Variants in XYLT1 observed in about 807,000 individuals in gnomAD.
The protein encoded by XYLT1 is xylosyltransferase 1.
XYLT1 carries 36 observed loss-of-function variants against 91.3 expected under a neutral mutation model. That is an observed-to-expected ratio of 0.39 (90% CI 0.30 to 0.52). The LOEUF (loss-of-function observed/expected upper bound fraction) is 0.52. Among genes scored for constraint, XYLT1 ranks in the 20% least tolerant of loss-of-function variants. The pLI, the probability that XYLT1 is intolerant of heterozygous loss-of-function variation, is 0.68. For missense variants in XYLT1, 1,242 were observed against 1,284.5 expected, an observed-to-expected ratio of 0.97 and a Z score of 0.51; for synonymous variants, 588 against 532.0, an observed-to-expected ratio of 1.11 and a Z score of -1.45.
At position 17,316,984 on chromosome 16, in the gene XYLT1, G is replaced by A. The variant is rs542162670; in HGVS notation, c.402+41028C>T. Reference sequence around the variant, plus strand: ...ACTACAGGCGCCCGCCACCTCGCCCGGCTAATTTTTTGTATTTTTAGTAGA... The same window carrying A: ...ACTACAGGCGCCCGCCACCTCGCCCAGCTAATTTTTTGTATTTTTAGTAGA... On this transcript the variant is annotated intron_variant, in intron 2 of 11. Coordinates refer to ENST00000261381, the MANE Select transcript of XYLT1 (RefSeq NM_022166.4). Among the ~76,000 whole-genome samples the A allele has an allele frequency of 8.1e-4, 123 of 151,526 alleles. 3 individuals carry two copies. The highest frequency in any genetic ancestry group is 3.0e-3 in the Admixed American group (46 of 15,244).
chr16:17,150,117 G>C (rs762530501), intron 6 of XYLT1, among the ~76,000 whole-genome samples: 11 of 152,310 alleles, frequency 7.2e-5, no homozygotes, highest in Admixed American at 1.3e-4. Flanking sequence ...CCATGATTGT[G>C]GCATGAAGGT....
chr16:17,432,830 G>A lies in XYLT1; in HGVS notation c.363+37604C>T, dbSNP rs886830612. ...TAGAGGAGGCTAAAGCAAGTCTTCC[G>A]ACCCAAGCAGATACGCTGGAGATGG... is the stretch of plus-strand genomic sequence containing the variant. On this transcript the variant is annotated intron_variant, in intron 1 of 11. Coordinates refer to ENST00000261381, the MANE Select transcript of XYLT1 (RefSeq NM_022166.4). Among the ~76,000 whole-genome samples, 5 of 151,924 alleles carry A rather than the reference G, an allele frequency of 3.3e-5. No homozygotes were observed. The South Asian group carries it at 8.3e-4, about 25-fold the overall frequency.
chr16:17,441,739 C>T (rs2036534858), intron 1 of XYLT1, among the ~76,000 whole-genome samples: 1 of 152,166 alleles, frequency 6.6e-6, no homozygotes, highest in Admixed American at 6.5e-5. Context: ...AAATCCTCAG[C>T]AACACTAAGT....
intron 3 of XYLT1, among the ~76,000 whole-genome samples, chr16:17,229,959 T>C (rs555504667): frequency 1.3e-5 from 2 of 152,196 alleles, no homozygotes; most frequent in Admixed American, 6.5e-5. Flanking sequence ...TGTGAAGACA[T>C]GCAGGAAGGT....
At chr16:17,128,971 G>T (rs1250044023) in intron 9 of XYLT1, among the ~76,000 whole-genome samples, 1 of 146,368 alleles carries the variant, frequency 6.8e-6, no homozygotes, top group Non-Finnish European at 1.5e-5. Flanking sequence ...GGAGTTTTAA[G>T]TCTTTATGTC....
intron 5 of XYLT1, among the ~76,000 whole-genome samples, chr16:17,167,122 G>A (rs2031705415): frequency 6.6e-6 from 1 of 152,230 alleles, no homozygotes; most frequent in Non-Finnish European, 1.5e-5. Context: ...GTGGAGGGGA[G>A]ATGCAGACCT....
chr16:17,147,975 G>A (rs1321342081), intron 6 of XYLT1, among the ~76,000 whole-genome samples: 5 of 152,188 alleles, frequency 3.3e-5, no homozygotes, highest in African/African-American at 1.2e-4. Flanking sequence ...TTCCCATTGA[G>A]TAGGTTACCT....
chr16:17,342,054 A>G (rs1376768219), intron 2 of XYLT1, among the ~76,000 whole-genome samples: 1 of 152,112 alleles, frequency 6.6e-6, no homozygotes, highest in Admixed American at 6.5e-5. Flanking sequence ...CTCTGTTTAA[A>G]ATCCTCTGAA....
intron 1 of XYLT1, among the ~76,000 whole-genome samples, chr16:17,442,615 C>G (rs763700942): frequency 3.3e-5 from 5 of 152,150 alleles, no homozygotes; most frequent in Non-Finnish European, 7.3e-5. Flanking sequence ...GGTTCCACAG[C>G]TCTGGATTCT....
intron 7 of XYLT1, 117 bp from the exon 8 acceptor site, chr16:17,138,648 A>T: frequency 1.6e-6 from 2 of 1,250,258 alleles, no homozygotes; most frequent in Non-Finnish European, 2.2e-6. Flanking sequence ...GTTTAAAAGA[A>T]TGTGGCATCT....
chr16:17,161,421 G>A (rs574896307), intron 5 of XYLT1, among the ~76,000 whole-genome samples: 41 of 152,138 alleles, frequency 2.7e-4, no homozygotes, highest in African/African-American at 9.4e-4. Flanking sequence ...AGGGTGGGGC[G>A]GGGGGACCCC....
At chr16:17,298,051 G>T (rs2034339722) in intron 2 of XYLT1, among the ~76,000 whole-genome samples, 1 of 152,130 alleles carries the variant, frequency 6.6e-6, no homozygotes, top group Non-Finnish European at 1.5e-5. Context: ...CCTGCCGAGG[G>T]AGCCAGTGTT....
intron 8 of XYLT1, among the ~76,000 whole-genome samples, chr16:17,135,673 G>A (rs969223153): frequency 6.6e-6 from 1 of 152,136 alleles, no homozygotes; most frequent in African/African-American, 2.4e-5. Flanking sequence ...GGACTTAGCT[G>A]AGAACACACA....
intron 3 of XYLT1, among the ~76,000 whole-genome samples, chr16:17,236,582 A>C (rs2033251858): frequency 6.6e-6 from 1 of 152,218 alleles, no homozygotes; most frequent in South Asian, 2.1e-4. Context: ...GGGCTTAAAC[A>C]GCAGAAACTT....
chr16:17,432,316 A>C (rs1045832268), intron 1 of XYLT1, among the ~76,000 whole-genome samples: 1 of 152,154 alleles, frequency 6.6e-6, no homozygotes, highest in African/African-American at 2.4e-5. Flanking sequence ...AAGCAGAAAA[A>C]ACCCAGTGTC....
At chr16:17,429,002 C>T (rs138563815) in intron 1 of XYLT1, among the ~76,000 whole-genome samples, 167 of 152,266 alleles carry the variant, frequency 1.1e-3, no homozygotes, top group African/African-American at 3.9e-3. Context: ...CTAAAAACCC[C>T]AACTGCTCAA....
chr16:17,239,314 T>TC (rs2033300758), intron 3 of XYLT1, among the ~76,000 whole-genome samples: 5 of 129,070 alleles, frequency 3.9e-5, no homozygotes, highest in Admixed American at 7.6e-5. Context: ...TCCAGTCCAT[T>TC]CATCCATCCA....
At chr16:17,417,114 A>G (rs1288890758) in intron 1 of XYLT1, among the ~76,000 whole-genome samples, 1 of 152,182 alleles carries the variant, frequency 6.6e-6, no homozygotes, top group Non-Finnish European at 1.5e-5. Context: ...GGTCATGAGT[A>G]AGATAGGGAC....
intron 1 of XYLT1, among the ~76,000 whole-genome samples, chr16:17,434,942 C>T (rs2036437808): frequency 6.6e-6 from 1 of 152,080 alleles, no homozygotes. Context: ...AGTTTTAATG[C>T]AGATGAAAGA....
Sources: gnomAD v4.1 joint callset for allele counts (sites outside exome capture counted in the v4.1 genomes callset) on GRCh38, gnomAD v4.1.1 for gene constraint, MANE v1.5 for transcripts, NCBI Gene and HGNC (gene_info 2026-07-23, HGNC 2026-07-21) for gene names.